UHRF2: variants seen among roughly 807,000 people sequenced by gnomAD.
UHRF2 encodes E3 ubiquitin-protein ligase UHRF2.
A neutral mutation model predicts 96.8 loss-of-function variants in UHRF2; 23 were observed. The observed-to-expected ratio is 0.24, with a 90% CI of 0.17 to 0.34. The LOEUF (loss-of-function observed/expected upper bound fraction) is 0.34. UHRF2 is among the 10% of genes least tolerant of loss of function. The pLI is 1.00. For missense variants in UHRF2, 685 were observed against 981.5 expected (o/e 0.70, Z 4.04); for synonymous variants, 385 against 332.6 (o/e 1.16, Z -1.72).
chr9:6,421,224 A>G (rs1273875600), intron 2 of UHRF2, 82 bp downstream of exon 2: 8 of 1,032,756 alleles, frequency 7.7e-6, no homozygotes, highest in African/African-American at 1.6e-5. Context: ...ATAAGTAAAC[A>G]TTGATTGCCA....
At chr9:6,437,664 C>G (rs561641491) in intron 3 of UHRF2, among the ~76,000 whole-genome samples, 1 of 152,180 alleles carries the variant, frequency 6.6e-6, no homozygotes, top group Admixed American at 6.6e-5. Context: ...GTGGCCCAGG[C>G]TGGAGTGCAG....
chr9:6,494,086 A>G, intron 10 of UHRF2, 154 bp downstream of exon 10: 1 of 624,958 alleles, frequency 1.6e-6, no homozygotes, highest in Non-Finnish European at 2.7e-6. Flanking sequence ...ATTGTTTTTC[A>G]GCATCCTAAC....
At chr9:6,460,855 A>G in intron 4 of UHRF2, 64 bp downstream of exon 4, 1 of 1,374,936 alleles carries the variant, frequency 7.3e-7, no homozygotes, top group Admixed American at 2.2e-5. Context: ...ATTTTTAGGT[A>G]TTAAGCACGT....
intron 4 of UHRF2, among the ~76,000 whole-genome samples, chr9:6,465,685 T>A (rs1822819573): frequency 6.6e-6 from 1 of 152,244 alleles, no homozygotes; most frequent in Admixed American, 6.5e-5. Context: ...GTTTATCGGT[T>A]TTATTAGACT....
chr9:6,463,312 A>G (rs1190041049), intron 4 of UHRF2, among the ~76,000 whole-genome samples: 1 of 152,024 alleles, frequency 6.6e-6, no homozygotes, highest in Admixed American at 6.5e-5. Context: ...AGTGGAAATT[A>G]TGGATAGGCA....
chr9:6,505,311 T>A (rs572663605), intron 15 of UHRF2, among the ~76,000 whole-genome samples: 4 of 151,868 alleles, frequency 2.6e-5, no homozygotes, highest in South Asian at 2.1e-4. Context: ...ATATATATAT[T>A]TTTTGACGGA....
chr9:6,416,913 TTAAAA>T (rs764341390), intron 1 of UHRF2, among the ~76,000 whole-genome samples: 5 of 152,168 alleles, frequency 3.3e-5, no homozygotes, highest in Admixed American at 6.5e-5. Flanking sequence ...AGAGGTGGTC[TTAAAA>T]TAGATAACAA....
rs374196193 is a variant in UHRF2, at chr9:6,420,540, A to T, written c.154-372A>T. 4.0e-5 allele frequency among the ~76,000 whole-genome samples: 6 copies of T among 151,810 alleles called. No homozygotes were observed. The South Asian group carries it at 1.3e-3, about 32-fold the overall frequency. On this transcript the variant is annotated intron_variant, in intron 1 of 15. Coordinates refer to ENST00000276893, the MANE Select transcript of UHRF2 (RefSeq NM_152896.3). ...ACACGGTGAAACCCCGTCTCTACTA[A>T]AAATACAAAAAAAAATTAGCCGGGC...
At chr9:6,438,654 A>G (rs1029660736) in intron 3 of UHRF2, among the ~76,000 whole-genome samples, 1 of 152,126 alleles carries the variant, frequency 6.6e-6, no homozygotes, top group Admixed American at 6.6e-5. Context: ...GATGAAAGAA[A>G]CCTGCCTCTG....
intron 3 of UHRF2, chr9:6,449,364 A>G (rs1192522877): frequency 6.6e-6 from 1 of 152,216 alleles, no homozygotes; most frequent in Non-Finnish European, 1.5e-5. Flanking sequence ...AGATGTTGTC[A>G]GAGTTGAACA....
At chr9:6,433,448 C>T (rs923342876) in intron 2 of UHRF2, among the ~76,000 whole-genome samples, 4 of 152,052 alleles carry the variant, frequency 2.6e-5, no homozygotes, top group Non-Finnish European at 5.9e-5. Flanking sequence ...GCATAATTCT[C>T]TCATTTTCAA....
intron 3 of UHRF2, among the ~76,000 whole-genome samples, chr9:6,446,950 A>G (rs1418308420): frequency 6.6e-6 from 1 of 152,034 alleles, no homozygotes; most frequent in Non-Finnish European, 1.5e-5. Flanking sequence ...GTGCAGTAGC[A>G]CAATCTCGGC....
At chr9:6,487,628 A>G (rs888986575) in intron 9 of UHRF2, among the ~76,000 whole-genome samples, 3 of 152,144 alleles carry the variant, frequency 2.0e-5, no homozygotes, top group African/African-American at 7.2e-5. Context: ...TGGCCTCCCA[A>G]AGTGTTGGGA....
At chr9:6,481,424 A>T (rs952214140) in intron 6 of UHRF2, among the ~76,000 whole-genome samples, 5 of 152,150 alleles carry the variant, frequency 3.3e-5, no homozygotes, top group Admixed American at 1.3e-4. Context: ...GAATTTGAGG[A>T]TTTATAAGTT....
At chr9:6,457,334 T>C (rs1300444857) in intron 3 of UHRF2, among the ~76,000 whole-genome samples, 1 of 152,224 alleles carries the variant, frequency 6.6e-6, no homozygotes, top group East Asian at 1.9e-4. Flanking sequence ...ATAAGAATGC[T>C]TGTGATTTTT....
intron 3 of UHRF2, among the ~76,000 whole-genome samples, chr9:6,436,098 G>A (rs189116022): frequency 3.8e-4 from 58 of 152,254 alleles, no homozygotes; most frequent in African/African-American, 1.3e-3. Flanking sequence ...ACATTAATAT[G>A]TATGGAAAAT....
At chr9:6,453,779 C>G (rs1199585374) in intron 3 of UHRF2, among the ~76,000 whole-genome samples, 2 of 152,106 alleles carry the variant, frequency 1.3e-5, no homozygotes, top group Non-Finnish European at 2.9e-5. Context: ...GTGGCAGGTA[C>G]TTGTAGTCCC....
chr9:6,483,497 A>G (rs531859429), intron 8 of UHRF2, among the ~76,000 whole-genome samples: 1 of 152,278 alleles, frequency 6.6e-6, no homozygotes, highest in African/African-American at 2.4e-5. Context: ...AATCATGACA[A>G]GAAAAAGTCT....
chr9:6,505,758 C>G (rs1301041889), intron 15 of UHRF2, among the ~76,000 whole-genome samples: 2 of 152,164 alleles, frequency 1.3e-5, no homozygotes, highest in Admixed American at 6.5e-5. Flanking sequence ...CTAGTGGCAA[C>G]CATATGTAAT....
Sources: gnomAD v4.1 joint callset for allele counts (sites outside exome capture counted in the v4.1 genomes callset) on GRCh38, gnomAD v4.1.1 for gene constraint, MANE v1.5 for transcripts, NCBI Gene and HGNC (gene_info 2026-07-23, HGNC 2026-07-21) for gene names.